PLPPR1: variants seen among roughly 807,000 people sequenced by gnomAD.
The protein encoded by PLPPR1 is phospholipid phosphatase related 1.
PLPPR1 carries 10 observed loss-of-function variants against 33.1 expected under a neutral mutation model. The ratio of observed to expected loss-of-function variants is 0.30; its 90% CI spans 0.19 to 0.51. The LOEUF is 0.51. Ranked by LOEUF, PLPPR1 falls within the 20% of genes least tolerant of loss-of-function variation. The pLI, the probability that PLPPR1 is intolerant of heterozygous loss-of-function variation, is 0.97. For synonymous variants in PLPPR1, 151 were observed against 151.0 expected (o/e 1.00, Z 0.00); for missense variants, 304 against 408.1 (o/e 0.74, Z 2.20).
At position 101,204,930 on chromosome 9, in the gene PLPPR1, G is replaced by A. The variant is rs988458748; in HGVS notation, c.63+19373G>A. On this transcript the variant is annotated intron_variant, in intron 2 of 7. Transcript: ENST00000374874. Reference sequence around the variant, plus strand: ...GAAGGTTTGTGTATATGGTGTGGACGGGGAGGGGGAGGGAAATGGGGAGGA... The same window carrying A: ...GAAGGTTTGTGTATATGGTGTGGACAGGGAGGGGGAGGGAAATGGGGAGGA... Among the ~76,000 whole-genome samples, 4 of 152,096 alleles carry A rather than the reference G, an allele frequency of 2.6e-5. No homozygotes were observed. In the South Asian group the frequency reaches 6.2e-4, roughly 24 times the overall value.
At chr9:101,161,871 T>C (rs963878348) in intron 1 of PLPPR1, among the ~76,000 whole-genome samples, 2 of 152,132 alleles carry the variant, frequency 1.3e-5, no homozygotes, top group African/African-American at 4.8e-5. Context: ...AGTATTTAAT[T>C]CATAGCATTC....
At chr9:101,276,124 C>A (rs1350410040) in intron 3 of PLPPR1, among the ~76,000 whole-genome samples, 1 of 152,168 alleles carries the variant, frequency 6.6e-6, no homozygotes, top group Non-Finnish European at 1.5e-5. Flanking sequence ...TCCTCATAAT[C>A]TGCCTTTTCC....
At chr9:101,078,354 GACA>G (rs1399834584) in intron 1 of PLPPR1, among the ~76,000 whole-genome samples, 1 of 151,718 alleles carries the variant, frequency 6.6e-6, no homozygotes, top group African/African-American at 2.4e-5. Context: ...CCTGGGGACA[GACA>G]ACGATATTTA....
intron 2 of PLPPR1, among the ~76,000 whole-genome samples, chr9:101,244,948 A>C (rs1007060943): frequency 6.6e-6 from 1 of 152,016 alleles, no homozygotes. Flanking sequence ...GGCCAACCTT[A>C]TTAGTCATTA....
At chr9:101,260,879 A>G (rs1827886116) in intron 2 of PLPPR1, among the ~76,000 whole-genome samples, 2 of 152,206 alleles carry the variant, frequency 1.3e-5, no homozygotes, top group South Asian at 4.1e-4. Context: ...AGGCTGAAGA[A>G]AAGGGAAAAT....
chr9:101,297,885 C>T (rs1828678345), intron 4 of PLPPR1, among the ~76,000 whole-genome samples: 1 of 152,134 alleles, frequency 6.6e-6, no homozygotes, highest in East Asian at 1.9e-4. Context: ...GAGAGTTAAA[C>T]ACCCACCTTT....
intron 1 of PLPPR1, among the ~76,000 whole-genome samples, chr9:101,116,807 C>CAA (rs35906894): frequency 2.5e-5 from 3 of 118,362 alleles, no homozygotes; most frequent in East Asian, 2.7e-4. Flanking sequence ...GACTCCATCT[C>CAA]AAAAAAAAAA....
At chr9:101,321,732 T>G (rs1007009000) in intron 7 of PLPPR1, among the ~76,000 whole-genome samples, 4 of 148,284 alleles carry the variant, frequency 2.7e-5, no homozygotes, top group African/African-American at 9.8e-5. Flanking sequence ...GGGGGAAAAA[T>G]ATATATAATT....
chr9:101,051,281 A>G (rs1197788812), intron 1 of PLPPR1, among the ~76,000 whole-genome samples: 3 of 151,722 alleles, frequency 2.0e-5, no homozygotes, highest in South Asian at 4.2e-4. Flanking sequence ...TACTTCTACT[A>G]CTACTACTAC....
intron 2 of PLPPR1, among the ~76,000 whole-genome samples, chr9:101,220,469 A>G (rs997293605): frequency 2.0e-5 from 3 of 152,220 alleles, no homozygotes; most frequent in African/African-American, 4.8e-5. Flanking sequence ...ACCTAATCTT[A>G]TAGTCCAGAT....
At chr9:101,086,069 G>A (rs1178650560) in intron 1 of PLPPR1, among the ~76,000 whole-genome samples, 2 of 152,110 alleles carry the variant, frequency 1.3e-5, no homozygotes, top group South Asian at 2.1e-4. Flanking sequence ...AAGAGTGTTA[G>A]ATTTTATGAA....
At chr9:101,151,072 A>G (rs1485265248) in intron 1 of PLPPR1, among the ~76,000 whole-genome samples, 1 of 152,146 alleles carries the variant, frequency 6.6e-6, no homozygotes, top group African/African-American at 2.4e-5. Flanking sequence ...AGAACAGAAT[A>G]AAATGGAAAC....
intron 1 of PLPPR1, among the ~76,000 whole-genome samples, chr9:101,062,468 C>T (rs1830359166): frequency 6.6e-6 from 1 of 151,868 alleles, no homozygotes. Flanking sequence ...ATAAGCAAAC[C>T]TTTTGATAGG....
chr9:101,094,652 T>C lies in PLPPR1; in HGVS notation c.-46+65550T>C, dbSNP rs879178799. On this transcript the variant is annotated intron_variant, in intron 1 of 7. Coordinates refer to ENST00000374874, the MANE Select transcript of PLPPR1 (RefSeq NM_207299.2). ...AAATACCATCATATTAGAAAATGCT[T>C]ATATGGTCGTTAGTCTATGTCAGGC... Among the ~76,000 whole-genome samples, 99 of 152,282 alleles carry C rather than the reference T, an allele frequency of 6.5e-4. 1 individual carries two copies. Among genetic ancestry groups the C allele is most frequent in the Admixed American group, 6.1e-3 (93 of 15,280 alleles).
chr9:101,205,946 G>A (rs1826581846), intron 2 of PLPPR1, among the ~76,000 whole-genome samples: 1 of 152,162 alleles, frequency 6.6e-6, no homozygotes, highest in Admixed American at 6.5e-5. Context: ...CTGGGAAGAA[G>A]GATATGATCT....
chr9:101,317,615 GT>G, intron 7 of PLPPR1, 119 bp downstream of exon 7: 1 of 1,025,290 alleles, frequency 9.8e-7, no homozygotes, highest in Non-Finnish European at 1.4e-6. Flanking sequence ...TTAATTTATT[GT>G]AAAGGCCCTC....
chr9:101,181,033 G>A (rs77249583), intron 1 of PLPPR1, among the ~76,000 whole-genome samples: 10 of 150,628 alleles, frequency 6.6e-5, no homozygotes, highest in African/African-American at 2.4e-4. Context: ...CAACTCAATA[G>A]CAATAAAACA....
At chr9:101,214,284 T>C (rs1035328933) in intron 2 of PLPPR1, among the ~76,000 whole-genome samples, 2 of 152,230 alleles carry the variant, frequency 1.3e-5, no homozygotes, top group African/African-American at 4.8e-5. Context: ...AATAGCTCCT[T>C]ATACTTCAAT....
intron 7 of PLPPR1, among the ~76,000 whole-genome samples, chr9:101,321,392 T>C (rs937478118): frequency 6.6e-6 from 1 of 152,134 alleles, no homozygotes; most frequent in Admixed American, 6.6e-5. Flanking sequence ...CCCCTTAGTA[T>C]AGTTGATTGA....
Sources: allele counts gnomAD v4.1 joint callset (sites outside exome capture counted in the v4.1 genomes callset), GRCh38; gene constraint gnomAD v4.1.1; transcripts MANE v1.5; gene names NCBI Gene and HGNC (gene_info 2026-07-23, HGNC 2026-07-21).